The following TRAPPC10 variants were observed in gnomAD, a reference collection of about 807,000 sequenced individuals.
TRAPPC10 encodes the protein trafficking protein particle complex subunit 10.
In TRAPPC10, 23 loss-of-function variants were observed where a neutral mutation model predicts 125.5. The observed-to-expected ratio is 0.18, with a 90% confidence interval of 0.13 to 0.26. The LOEUF (loss-of-function observed/expected upper bound fraction) is 0.26. Among genes scored for constraint, TRAPPC10 ranks in the 10% least tolerant of loss-of-function variants. The pLI is 1.00. For missense variants in TRAPPC10, 1,123 were observed against 1,308.4 expected (o/e 0.86, Z 2.19); for synonymous variants, 509 against 518.0 (o/e 0.98, Z 0.24).
In TRAPPC10 at chr21:44,043,693, C is replaced by T. The variant is rs2034575885; in HGVS notation, c.285+5766C>T. On this transcript the variant is annotated intron_variant, in intron 3 of 22. Coordinates refer to ENST00000291574, the MANE Select transcript of TRAPPC10 (RefSeq NM_003274.5). ...ACTTTCCCTTGTTGAAAGGCTGGGC[C>T]TGTGTTTCCTCCAGTTGAATCTGGG... Among the ~76,000 whole-genome samples the T allele has an allele frequency of 2.6e-5, 4 of 152,316 alleles. No homozygotes were observed. The South Asian group carries it at 8.3e-4, about 32-fold the overall frequency.
intron 7 of TRAPPC10, among the ~76,000 whole-genome samples, chr21:44,064,533 C>T (rs2838480): frequency 0.32 from 48,565 of 151,906 alleles, 10,607 homozygotes; most frequent in African/African-American, 0.62. Flanking sequence ...ATGATACTTA[C>T]GACCTGAGGA....
intron 1 of TRAPPC10, among the ~76,000 whole-genome samples, chr21:44,015,356 G>T (rs1305129190): frequency 6.6e-6 from 1 of 152,168 alleles, no homozygotes; most frequent in African/African-American, 2.4e-5. Context: ...AGTTCCCAAA[G>T]ATTAAGGGTA....
chr21:44,061,425 C>T (rs558455319), intron 6 of TRAPPC10, among the ~76,000 whole-genome samples: 22 of 152,138 alleles, frequency 1.4e-4, no homozygotes, highest in Non-Finnish European at 2.6e-4. Context: ...TGAGCCACTG[C>T]GCCTGGCCAA....
At chr21:44,057,422 C>T (rs931065172) in intron 5 of TRAPPC10, among the ~76,000 whole-genome samples, 2 of 151,896 alleles carry the variant, frequency 1.3e-5, no homozygotes, top group African/African-American at 2.4e-5. Context: ...GCCTCAGTCC[C>T]GAGTAGCTGG....
chr21:44,044,660 CTTTT>C (rs34356064), intron 3 of TRAPPC10, among the ~76,000 whole-genome samples: 173 of 86,318 alleles, frequency 2.0e-3, no homozygotes, highest in Admixed American at 3.4e-3. Context: ...AAAATCATGT[CTTTT>C]TTTTTTTTTT....
At chr21:44,032,701 G>A (rs1195326605) in intron 2 of TRAPPC10, among the ~76,000 whole-genome samples, 1 of 152,072 alleles carries the variant, frequency 6.6e-6, no homozygotes, top group African/African-American at 2.4e-5. Flanking sequence ...TTTTCTTAAC[G>A]AGACATTGGA....
chr21:44,039,387 C>G (rs1014450190), intron 3 of TRAPPC10, among the ~76,000 whole-genome samples: 1 of 152,220 alleles, frequency 6.6e-6, no homozygotes, highest in East Asian at 1.9e-4. Flanking sequence ...TTCTTTTGAG[C>G]ACTTTCTAAT....
intron 1 of TRAPPC10, among the ~76,000 whole-genome samples, chr21:44,023,200 T>C: frequency 6.6e-6 from 1 of 151,518 alleles, no homozygotes; most frequent in Non-Finnish European, 1.5e-5. Flanking sequence ...GCCGGGCTAA[T>C]TTTTTGTATT....
chr21:44,070,487 C>T (rs1408427468), intron 7 of TRAPPC10, among the ~76,000 whole-genome samples: 1 of 152,194 alleles, frequency 6.6e-6, no homozygotes, highest in East Asian at 1.9e-4. Flanking sequence ...CATTCAGTCT[C>T]AGGCTCTCAG....
chr21:44,046,409 C>A (rs866612679), intron 3 of TRAPPC10: 5 of 277,790 alleles, frequency 1.8e-5, no homozygotes, highest in Non-Finnish European at 1.5e-5. Context: ...GCAGTGACAC[C>A]ACCACCAGCA....
chr21:44,058,305 C>T (rs1219827747), intron 5 of TRAPPC10, among the ~76,000 whole-genome samples: 2 of 151,118 alleles, frequency 1.3e-5, no homozygotes, highest in East Asian at 3.9e-4. Context: ...GGGCAGCGCA[C>T]AGGTCCCGAG....
At chr21:44,060,915 TACAC>T (rs34848979) in intron 6 of TRAPPC10, among the ~76,000 whole-genome samples, 2,036 of 132,242 alleles carry the variant, frequency 0.015, 24 homozygotes, top group Non-Finnish European at 0.02. Flanking sequence ...CATACATACA[TACAC>T]ACACACACAC....
intron 3 of TRAPPC10, 80 bp from the exon 4 acceptor site, chr21:44,052,200 G>A (rs2035278693): frequency 8.1e-7 from 1 of 1,240,618 alleles, no homozygotes. Flanking sequence ...GGCCTTTGCA[G>A]GCTGTTATTA....
chr21:44,076,615 A>T lies in TRAPPC10; in HGVS notation c.1364A>T (p.Glu455Val). ...KEALSSVEAF[E>V]KHYLDLSHAT... ...GCATTATCGTCAGTGGAAGCTTTTG[A>T]AAAACACTACTTAGTAAGTATTAAC... The change falls in exon 10 of 23, where the codon GAA (glutamate) becomes GTA (valine). Residue 455 changes from glutamate to valine, a missense_variant. By Grantham distance (121) the Glu-to-Val change is moderately radical. Coordinates refer to ENST00000291574, the MANE Select transcript of TRAPPC10 (RefSeq NM_003274.5). The T allele has an allele frequency of 6.2e-7, 1 of 1,612,980 alleles. No individual in the cohort carries two copies.
chr21:44,054,250 G>A (rs1238108743), intron 4 of TRAPPC10, among the ~76,000 whole-genome samples: 1 of 152,160 alleles, frequency 6.6e-6, no homozygotes, highest in Non-Finnish European at 1.5e-5. Flanking sequence ...AGTGTGCAGT[G>A]GGGTGGATTG....
chr21:44,089,384 A>C, intron 17 of TRAPPC10: 1 of 370,310 alleles, frequency 2.7e-6, no homozygotes, highest in East Asian at 7.5e-5. Context: ...TCAGCCTCAC[A>C]TGGATTAAAT....
Position 44,063,061 on chromosome 21 carries a change from C to T in TRAPPC10, c.791-477C>T. 1 of 1,304,352 alleles carries T rather than the reference C, an allele frequency of 7.7e-7. No homozygotes were observed. Among genetic ancestry groups the T allele is most frequent in the Non-Finnish European group, 1.0e-6 (1 of 989,102 alleles). The allele number at this position is 1,304,352 out of a possible 1,614,324, so 80.8% of individuals were successfully genotyped here. A position where few individuals can be genotyped will look rare whatever the true frequency, so the allele number is the denominator to read the frequency against. On this transcript the variant is annotated intron_variant, in intron 6 of 22. Coordinates refer to ENST00000291574, the MANE Select transcript of TRAPPC10 (RefSeq NM_003274.5). This position sits in a 1 kb window ranked among gnomAD's most constrained non-coding sequence, Gnocchi z 4.4. ...CCTGTCCCTTCCTCCAGGAGCTTGA[C>T]TCAGGGACGTGACGTGGTTGAGTTA... is the stretch of plus-strand genomic sequence containing the variant.
chr21:44,041,917 G>A (rs543913947), intron 3 of TRAPPC10, among the ~76,000 whole-genome samples: 16 of 151,790 alleles, frequency 1.1e-4, no homozygotes, highest in African/African-American at 3.9e-4. Context: ...GTAGGGATGG[G>A]GTTTCACCAT....
rs564931081 is a variant in TRAPPC10 at position 44,014,433 on chromosome 21, G to A, written c.67+1873G>A. On this transcript the variant is annotated intron_variant, in intron 1 of 22. Coordinates refer to ENST00000291574, the MANE Select transcript of TRAPPC10 (RefSeq NM_003274.5). ...TTTTGAGACGGCGTCTTTCTCTGTCGCCCAGGCTGGAGTGCAGTGGCATGA... is the reference window on the plus strand; with the variant it reads ...TTTTGAGACGGCGTCTTTCTCTGTCACCCAGGCTGGAGTGCAGTGGCATGA... Among the ~76,000 whole-genome samples the A allele has an allele frequency of 1.7e-4, 26 of 150,902 alleles. No homozygotes were observed. In the South Asian group the frequency reaches 5.1e-3, roughly 29 times the overall value.
Sources: gnomAD v4.1 joint callset for allele counts (sites outside exome capture counted in the v4.1 genomes callset) on GRCh38, gnomAD v4.1.1 for gene constraint, Gnocchi (gnomAD v3.1) non-coding constraint, MANE v1.5 for transcripts, NCBI Gene and HGNC (gene_info 2026-07-23, HGNC 2026-07-21) for gene names.